The following POLR1C variants were observed in gnomAD, a reference collection of about 807,000 sequenced individuals.
POLR1C encodes DNA-directed RNA polymerases I and III subunit RPAC1.
POLR1C carries 42 observed loss-of-function variants against 38.3 expected under a neutral mutation model. The ratio of observed to expected loss-of-function variants is 1.10; its 90% CI spans 0.86 to 1.42. POLR1C has a LOEUF of 1.42. Among genes scored for constraint, POLR1C ranks in the 40% most tolerant of loss-of-function variants. The pLI, the probability that POLR1C is intolerant of heterozygous loss-of-function variation, is 0.00. For missense variants in POLR1C, 507 were observed against 450.5 expected (o/e 1.13, Z -1.14); for synonymous variants, 163 against 163.9 (o/e 0.99, Z 0.04).
At chr6:43,523,494 G>A (rs925161137), downstream of POLR1C, 1 of 386,976 alleles carries the variant, frequency 2.6e-6, no homozygotes, top group Non-Finnish European at 5.1e-6. Flanking sequence ...AGCCTTGCTA[G>A]TCGCAGGGTT....
At chr6:43,560,428 C>T in intron 10 of POLR1C, 1 of 1,222,880 alleles carries the variant, frequency 8.2e-7, no homozygotes, top group Non-Finnish European at 1.1e-6. Flanking sequence ...GAAGCTGTCT[C>T]TACTGCAATT....
chr6:43,536,397 A>T (rs372316785), intron 9 of POLR1C, among the ~76,000 whole-genome samples: 1 of 150,758 alleles, frequency 6.6e-6, no homozygotes, highest in African/African-American at 2.4e-5. Flanking sequence ...CCTGCGCAAC[A>T]CAGTGAGACT....
intron 9 of POLR1C, chr6:43,546,442 A>G: frequency 1.1e-6 from 1 of 899,968 alleles, no homozygotes; most frequent in South Asian, 3.2e-5. Flanking sequence ...CACCCTCTAG[A>G]AAGAAATAAG....
At chr6:43,548,734 A>T (rs1795086197) in intron 9 of POLR1C, among the ~76,000 whole-genome samples, 1 of 150,640 alleles carries the variant, frequency 6.6e-6, no homozygotes, top group Non-Finnish European at 1.5e-5. Context: ...ATATATATAG[A>T]TATATATGTA....
In POLR1C at chr6:43,521,430, C is replaced by T. The variant is rs1268518168; in HGVS notation, c.*130C>T. 10 of 1,557,912 alleles carry T rather than the reference C, an allele frequency of 6.4e-6. No homozygotes were observed. Among genetic ancestry groups the T allele is most frequent in the Non-Finnish European group, 8.7e-6 (10 of 1,153,822 alleles). ...GGGACAATTCCAGCTTTAATCAATA[C>T]ATTTTGTTAAATGTGCCATAAAATG... On this transcript the variant is annotated 3_prime_UTR_variant, in exon 9 of 9. Coordinates refer to ENST00000642195, the MANE Select transcript of POLR1C (RefSeq NM_203290.4).
At chr6:43,545,933 T>A (rs958645783) in intron 9 of POLR1C, among the ~76,000 whole-genome samples, 1 of 152,120 alleles carries the variant, frequency 6.6e-6, no homozygotes, top group Non-Finnish European at 1.5e-5. Flanking sequence ...AATGTGTATA[T>A]AAACCACTGG....
chr6:43,541,311 C>A (rs1023218602), intron 9 of POLR1C, among the ~76,000 whole-genome samples: 2 of 152,054 alleles, frequency 1.3e-5, no homozygotes, highest in African/African-American at 4.8e-5. Flanking sequence ...GGGATGGATA[C>A]CCCATTTTAA....
chr6:43,549,019 T>C (rs950233207), intron 9 of POLR1C, among the ~76,000 whole-genome samples: 13 of 152,212 alleles, frequency 8.5e-5, no homozygotes, highest in African/African-American at 2.4e-4. Context: ...CCATCACATT[T>C]CTAACTATAC....
intron 9 of POLR1C, chr6:43,547,391 AAAT>A (rs1795012765): frequency 1.6e-6 from 1 of 636,470 alleles, no homozygotes; most frequent in South Asian, 1.6e-5. Flanking sequence ...CTTAAAGCCA[AAAT>A]AATGACTTCA....
At chr6:43,553,469 G>C (rs1479515355) in intron 10 of POLR1C, 1 of 1,570,864 alleles carries the variant, frequency 6.4e-7, no homozygotes, top group Non-Finnish European at 8.6e-7. Flanking sequence ...AGACGGAACA[G>C]AGGCTTCCTT....
At chr6:43,541,774 A>G (rs908546879) in intron 9 of POLR1C, among the ~76,000 whole-genome samples, 2 of 152,120 alleles carry the variant, frequency 1.3e-5, no homozygotes, top group Non-Finnish European at 2.9e-5. Context: ...GTAGTAATCC[A>G]ATACTTCTTT....
At chr6:43,529,259 T>C (rs1313485028) in exon 9 of POLR1C, 1 of 1,370,204 alleles carries the variant, frequency 7.3e-7, no homozygotes, top group South Asian at 1.1e-5. Flanking sequence ...GTAAGAAAGA[T>C]TTGCTGGCTG....
chr6:43,541,724 C>A (rs2127721474), intron 9 of POLR1C, among the ~76,000 whole-genome samples: 1 of 152,296 alleles, frequency 6.6e-6, no homozygotes. Context: ...AAGGTTGATC[C>A]ACAGTGTAGT....
downstream of POLR1C, chr6:43,530,837 A>G (rs1459183635): frequency 1.2e-6 from 2 of 1,601,716 alleles, no homozygotes; most frequent in East Asian, 2.2e-5. Flanking sequence ...GTAAAGGGGA[A>G]AAAAAGAGCA....
At chr6:43,546,159 T>C (rs1459280991) in intron 9 of POLR1C, among the ~76,000 whole-genome samples, 1 of 152,178 alleles carries the variant, frequency 6.6e-6, no homozygotes, top group Non-Finnish European at 1.5e-5. Flanking sequence ...AGACTCAGTA[T>C]TGATAAATTC....
chr6:43,546,817 T>C lies in POLR1C; in HGVS notation c.*5-4151T>C. 1.4e-6 allele frequency: 2 copies of C among 1,428,968 alleles called. 1 individual carries two copies. The highest frequency in any genetic ancestry group is 5.4e-5 in the Admixed American group (2 of 37,260). The allele number at this position is 1,428,968 out of a possible 1,614,324, so 88.5% of individuals were successfully genotyped here. ...AAAAAAAAAAAAGACCAAATACTGT[T>C]AGATATATTCAAGGTTCTGGCAAAA... On this transcript the variant is annotated intron_variant, in intron 9 of 10. Transcript: ENST00000607635.
downstream of POLR1C, chr6:43,522,239 C>T (rs1174744360): frequency 6.6e-6 from 1 of 152,466 alleles, no homozygotes; most frequent in Non-Finnish European, 1.5e-5. Flanking sequence ...AATCATCAGT[C>T]ACATTTCTTC....
Position 43,521,427 on chromosome 6 carries a change from A to G in POLR1C, c.*127A>G, listed in dbSNP as rs898526332. The G allele has an allele frequency of 4.2e-5, 65 of 1,564,214 alleles. No homozygotes were observed. Among genetic ancestry groups the G allele is most frequent in the African/African-American group, 5.4e-5 (4 of 73,580 alleles). On this transcript the variant is annotated 3_prime_UTR_variant, in exon 9 of 9. Coordinates refer to ENST00000642195, the MANE Select transcript of POLR1C (RefSeq NM_203290.4). ...TCTGGGACAATTCCAGCTTTAATCA[A>G]TACATTTTGTTAAATGTGCCATAAA... is the stretch of plus-strand genomic sequence containing the variant.
intron 10 of POLR1C, among the ~76,000 whole-genome samples, chr6:43,557,175 CTAG>C (rs1762136376): frequency 6.9e-6 from 1 of 144,408 alleles, no homozygotes; most frequent in Non-Finnish European, 1.5e-5. Flanking sequence ...GCCTGTAATC[CTAG>C]TACTTTGGGA....
Sources: allele counts gnomAD v4.1 joint callset (sites outside exome capture counted in the v4.1 genomes callset), GRCh38; gene constraint gnomAD v4.1.1; transcripts MANE v1.5; gene names NCBI Gene and HGNC (gene_info 2026-07-23, HGNC 2026-07-21).